The following KCND2 variants were observed in gnomAD, a reference collection of about 807,000 sequenced individuals.
KCND2 encodes the protein A-type voltage-gated potassium channel KCND2.
A neutral mutation model predicts 54.4 loss-of-function variants in KCND2; 16 were observed. That is an observed-to-expected ratio of 0.29 (90% CI 0.20 to 0.45). KCND2 has a LOEUF of 0.45. KCND2 is among the 20% of genes least tolerant of loss of function. The pLI, the probability that KCND2 is intolerant of heterozygous loss-of-function variation, is 1.00. For missense variants in KCND2, 486 were observed against 824.2 expected (o/e 0.59, Z 5.02); for synonymous variants, 317 against 310.7 (o/e 1.02, Z -0.21).
At chr7:120,715,487 A>G (rs932624279) in intron 1 of KCND2, among the ~76,000 whole-genome samples, 1 of 152,112 alleles carries the variant, frequency 6.6e-6, no homozygotes, top group African/African-American at 2.4e-5. Flanking sequence ...AAGATATTAC[A>G]TCTGAAGGGT....
At chr7:120,331,360 TC>T (rs1308927567) in intron 1 of KCND2, among the ~76,000 whole-genome samples, 2 of 152,100 alleles carry the variant, frequency 1.3e-5, no homozygotes, top group Non-Finnish European at 2.9e-5. Flanking sequence ...GCTTTTCCTT[TC>T]TTCCTTATCT....
intron 1 of KCND2, among the ~76,000 whole-genome samples, chr7:120,360,009 T>C (rs1800570932): frequency 1.3e-5 from 2 of 152,102 alleles, no homozygotes; most frequent in African/African-American, 4.8e-5. Flanking sequence ...TCTTTATAAA[T>C]TACTCAATCT....
intron 1 of KCND2, among the ~76,000 whole-genome samples, chr7:120,583,789 G>T (rs530362161): frequency 6.7e-6 from 1 of 149,344 alleles, no homozygotes; most frequent in Non-Finnish European, 1.5e-5. Context: ...AATTGTGGGG[G>T]GGGGGACAAA....
intron 1 of KCND2, among the ~76,000 whole-genome samples, chr7:120,618,029 G>T (rs901651388): frequency 3.3e-5 from 5 of 152,100 alleles, no homozygotes; most frequent in African/African-American, 9.7e-5. Flanking sequence ...AGTAGGAAGA[G>T]AATGAGGGTC....
chr7:120,447,782 C>CT (rs1195751074), intron 1 of KCND2, among the ~76,000 whole-genome samples: 1 of 151,992 alleles, frequency 6.6e-6, no homozygotes, highest in Non-Finnish European at 1.5e-5. Flanking sequence ...ATCTTAAATT[C>CT]TTTTGGGTTT....
At chr7:120,743,797 G>C (rs1562925970) in intron 4 of KCND2, among the ~76,000 whole-genome samples, 1 of 152,218 alleles carries the variant, frequency 6.6e-6, no homozygotes, top group East Asian at 1.9e-4. Context: ...GCAGTGTCCA[G>C]ATAATGTTAG....
intron 1 of KCND2, among the ~76,000 whole-genome samples, chr7:120,586,157 TCA>T (rs1420023832): frequency 6.6e-6 from 1 of 151,694 alleles, no homozygotes; most frequent in African/African-American, 2.4e-5. Context: ...AGCTGTATAC[TCA>T]CACACAGACA....
At chr7:120,555,481 T>C (rs1385586866) in intron 1 of KCND2, among the ~76,000 whole-genome samples, 1 of 152,164 alleles carries the variant, frequency 6.6e-6, no homozygotes, top group Admixed American at 6.5e-5. Context: ...TAATGTAAAG[T>C]AACAATTGAT....
chr7:120,375,312 T>C (rs1055635781), intron 1 of KCND2, among the ~76,000 whole-genome samples: 1 of 151,826 alleles, frequency 6.6e-6, no homozygotes, highest in African/African-American at 2.4e-5. Flanking sequence ...TATTAAAAAG[T>C]TATTCACCAA....
chr7:120,738,301 C>T (rs956592544), intron 2 of KCND2, among the ~76,000 whole-genome samples: 2 of 151,954 alleles, frequency 1.3e-5, no homozygotes, highest in Non-Finnish European at 2.9e-5. Flanking sequence ...GACCACAGAA[C>T]CAGTCATTTG....
intron 1 of KCND2, among the ~76,000 whole-genome samples, chr7:120,508,149 T>C (rs1803056427): frequency 1.3e-5 from 2 of 151,910 alleles, no homozygotes; most frequent in South Asian, 2.1e-4. Flanking sequence ...GCAGAAAGAA[T>C]TGGACGTGTT....
At chr7:120,436,600 C>G (rs1801869315) in intron 1 of KCND2, among the ~76,000 whole-genome samples, 1 of 152,166 alleles carries the variant, frequency 6.6e-6, no homozygotes, top group Non-Finnish European at 1.5e-5. Flanking sequence ...TCAGCCCTAA[C>G]TGACTATCCT....
At chr7:120,429,493 G>T (rs1801760565) in intron 1 of KCND2, among the ~76,000 whole-genome samples, 1 of 151,414 alleles carries the variant, frequency 6.6e-6, no homozygotes, top group Admixed American at 6.6e-5. Flanking sequence ...AGGAGGAAGA[G>T]GTGGAGGAGG....
chr7:120,352,049 C>G (rs916745277), intron 1 of KCND2, among the ~76,000 whole-genome samples: 2 of 151,492 alleles, frequency 1.3e-5, no homozygotes, highest in Non-Finnish European at 2.9e-5. Flanking sequence ...TGACCTCGTG[C>G]TCCTCAGCCT....
intron 1 of KCND2, among the ~76,000 whole-genome samples, chr7:120,377,424 T>C (rs62471537): frequency 0.1 from 15,503 of 151,944 alleles, 832 homozygotes; most frequent in Admixed American, 0.13. Context: ...ATGTGATTCC[T>C]TCACTTCTTG....
At chr7:120,314,040 A>G (rs556659955) in intron 1 of KCND2, among the ~76,000 whole-genome samples, 1 of 151,700 alleles carries the variant, frequency 6.6e-6, no homozygotes, top group Non-Finnish European at 1.5e-5. Context: ...AAATACAGTA[A>G]GGACACTTTT....
intron 1 of KCND2, among the ~76,000 whole-genome samples, chr7:120,429,110 A>G (rs1025966636): frequency 3.3e-5 from 5 of 152,174 alleles, no homozygotes; most frequent in African/African-American, 9.7e-5. Context: ...AGAAGAGCCA[A>G]ACTCACGGTG....
chr7:120,339,050 A>ATTT lies in KCND2; in HGVS notation c.1115+63305_1115+63306insTTT, dbSNP rs778288080. On this transcript the variant is annotated intron_variant, in intron 1 of 5. Transcript: ENST00000331113. ...CACCTGCCACCACACCTGGCTAATT[A>ATTT]TTATTTTTTTTTTTTTTGTATTTTT... is the stretch of plus-strand genomic sequence containing the variant. Among the ~76,000 whole-genome samples, 325 of 138,988 alleles carry ATTT rather than the reference A, an allele frequency of 2.3e-3. 3 individuals are homozygous for ATTT. Among genetic ancestry groups the ATTT allele is most frequent in the Non-Finnish European group, 2.8e-3 (184 of 65,702 alleles). 91.2% of individuals were successfully genotyped at this position (138,988 alleles called of 152,430 possible). A position where few individuals can be genotyped will look rare whatever the true frequency, so the allele number is the denominator to read the frequency against.
chr7:120,745,906 C>G lies in KCND2; in HGVS notation c.1594C>G (p.Arg532Gly), dbSNP rs1411568642. ...QQGVTSTCCSRRHKKTFRIPN... is the reference protein window; with the variant it reads ...QQGVTSTCCSGRHKKTFRIPN... ...AGGAGTCACCAGCACCTGCTGTTCA[C>G]GACGACACAAAAAAACTTTTCGCAT... The change falls in exon 5 of 6, where the codon CGA becomes GGA. Residue 532 changes from arginine to glycine, a missense_variant. Physicochemically the swap from Arg to Gly is moderately radical, Grantham distance 125. This residue lies in a region of KCND2 where 202 missense variants were observed against 252.7 expected (regional missense o/e 0.80). Coordinates refer to ENST00000331113, the MANE Select transcript of KCND2 (RefSeq NM_012281.3). 1.9e-6 allele frequency: 3 copies of G among 1,613,746 alleles called. No individual in the cohort carries two copies. In the African/African-American group the frequency reaches 4.0e-5, roughly 22 times the overall value.
Sources: gnomAD v4.1 joint callset for allele counts (sites outside exome capture counted in the v4.1 genomes callset) on GRCh38, gnomAD v4.1.1 for gene constraint, gnomAD v4.1.1 regional missense constraint, MANE v1.5 for transcripts, NCBI Gene and HGNC (gene_info 2026-07-23, HGNC 2026-07-21) for gene names.